Variants in NMNAT2 observed in about 807,000 individuals in gnomAD.
NMNAT2 encodes nicotinamide/nicotinic acid mononucleotide adenylyltransferase 2.
NMNAT2 carries 11 observed loss-of-function variants against 41.6 expected under a neutral mutation model. That is an observed-to-expected ratio of 0.26 (90% CI 0.17 to 0.44). NMNAT2 has a LOEUF of 0.44. Among genes scored for constraint, NMNAT2 ranks in the 20% least tolerant of loss-of-function variants. The pLI, the probability that NMNAT2 is intolerant of heterozygous loss-of-function variation, is 1.00. For missense variants in NMNAT2, 288 were observed against 407.7 expected, an observed-to-expected ratio of 0.71 and a Z score of 2.53; for synonymous variants, 148 against 151.2, an observed-to-expected ratio of 0.98 and a Z score of 0.16.
intron 1 of NMNAT2, among the ~76,000 whole-genome samples, chr1:183,393,235 T>C (rs1648531845): frequency 1.3e-5 from 2 of 152,358 alleles, no homozygotes; most frequent in South Asian, 4.1e-4. Context: ...TTATATATCA[T>C]AGTTTTCCAG....
rs577461203 is a variant in NMNAT2 at position 183,267,875 on chromosome 1, C to A, written c.652-6572G>T. On this transcript the variant is annotated intron_variant, in intron 8 of 10. Transcript: ENST00000287713. ...CGTGATGGTGGCCAATGTGACCCCA[C>A]ACCATGGGCAGGATCAGGACACAAT... 3.9e-5 allele frequency among the ~76,000 whole-genome samples: 6 copies of A among 152,252 alleles called. No individual in the cohort carries two copies. The South Asian group carries it at 1.2e-3, about 32-fold the overall frequency.
intron 8 of NMNAT2, among the ~76,000 whole-genome samples, chr1:183,270,847 C>A (rs1031147299): frequency 6.6e-6 from 1 of 152,198 alleles, no homozygotes; most frequent in Non-Finnish European, 1.5e-5. Flanking sequence ...CTGATAAAAA[C>A]CATCTGAGCC....
At chr1:183,404,795 G>A (rs978322288) in intron 1 of NMNAT2, among the ~76,000 whole-genome samples, 1 of 152,194 alleles carries the variant, frequency 6.6e-6, no homozygotes, top group Non-Finnish European at 1.5e-5. Flanking sequence ...TCAAAGAAAG[G>A]AATTAGACAT....
At position 183,418,321 on chromosome 1, in the gene NMNAT2, C is replaced by T; in HGVS notation, c.-54G>A. The stretch of plus-strand genomic sequence containing the variant: ...AGGGGTTGCCTCTCTTTTTGTGTCT[C>T]GTTGTGTCTGCAGAGGGAGAAAGGA... On this transcript the variant is annotated 5_prime_UTR_variant, in exon 1 of 11. Coordinates refer to ENST00000287713, the MANE Select transcript of NMNAT2 (RefSeq NM_015039.4). The T allele has an allele frequency of 6.5e-7, 1 of 1,539,798 alleles. No homozygotes were observed. Among genetic ancestry groups the T allele is most frequent in the South Asian group, 1.1e-5 (1 of 89,496 alleles).
intron 1 of NMNAT2, among the ~76,000 whole-genome samples, chr1:183,344,713 C>T (rs1662888402): frequency 5.9e-5 from 9 of 152,154 alleles, no homozygotes; most frequent in Admixed American, 5.9e-4. Flanking sequence ...AGTCTGGAAA[C>T]ACTTCCAGAG....
At chr1:183,398,178 G>C (rs975119006) in intron 1 of NMNAT2, among the ~76,000 whole-genome samples, 3 of 152,124 alleles carry the variant, frequency 2.0e-5, no homozygotes, top group African/African-American at 7.2e-5. Flanking sequence ...CTCAAGTGCA[G>C]AGACACACAT....
intron 7 of NMNAT2, among the ~76,000 whole-genome samples, chr1:183,279,062 G>T (rs1356197965): frequency 6.6e-6 from 1 of 152,192 alleles, no homozygotes; most frequent in East Asian, 1.9e-4. Context: ...ACTGTGCATT[G>T]TCTGGAGTTT....
chr1:183,385,196 TG>T (rs1648181452), intron 1 of NMNAT2, among the ~76,000 whole-genome samples: 1 of 151,504 alleles, frequency 6.6e-6, no homozygotes, highest in African/African-American at 2.4e-5. Flanking sequence ...AGTGAGACTC[TG>T]TCTCTAAAAA....
Position 183,304,649 on chromosome 1 carries a change from CCTCAGGCTGT to C in NMNAT2, c.86-10866_86-10857del, listed in dbSNP as rs762242361. The C allele has an allele frequency of 6.8e-6, 11 of 1,609,708 alleles. No homozygotes were observed. The Admixed American group carries it at 1.8e-4, about 27-fold the overall frequency. On this transcript the variant is annotated intron_variant, in intron 1 of 10. Transcript: ENST00000287713. ...AGCTGCCCCGCCCTCATGCCATGTG[CCTCAGGCTGT>C]CTGAACTCACCTGAGAGAGTAACAA...
chr1:183,414,983 A>G (rs2101934222), intron 1 of NMNAT2, among the ~76,000 whole-genome samples: 1 of 140,464 alleles, frequency 7.1e-6, no homozygotes. Flanking sequence ...GAAAGCTTGA[A>G]AAAAAATTTT....
intron 1 of NMNAT2, among the ~76,000 whole-genome samples, chr1:183,358,959 T>C (rs781051367): frequency 3.3e-5 from 5 of 152,128 alleles, no homozygotes; most frequent in Non-Finnish European, 5.9e-5. Flanking sequence ...AAGTGTTGAT[T>C]TGAAGAAAGT....
chr1:183,294,014 A>G (rs1415742391), intron 1 of NMNAT2, among the ~76,000 whole-genome samples: 1 of 152,166 alleles, frequency 6.6e-6, no homozygotes, highest in East Asian at 1.9e-4. Flanking sequence ...ACTCAAGGAG[A>G]TTCATCCTGT....
chr1:183,298,191 T>C (rs913653767), intron 1 of NMNAT2, among the ~76,000 whole-genome samples: 1 of 152,024 alleles, frequency 6.6e-6, no homozygotes, highest in Admixed American at 6.6e-5. Context: ...GAAGTTCTAG[T>C]GCACACCATA....
intron 5 of NMNAT2, 86 bp downstream of exon 5, chr1:183,286,576 T>A: frequency 8.3e-7 from 1 of 1,203,460 alleles, no homozygotes; most frequent in Non-Finnish European, 1.2e-6. Context: ...CTGAATCAAG[T>A]TCTGGGTGGA....
intron 1 of NMNAT2, among the ~76,000 whole-genome samples, chr1:183,388,016 G>C (rs1328319549): frequency 1.3e-5 from 2 of 152,190 alleles, no homozygotes; most frequent in African/African-American, 4.8e-5. Flanking sequence ...CTATGTGCCA[G>C]GCACTCTTCT....
chr1:183,373,397 C>T (rs1247010122), intron 1 of NMNAT2, among the ~76,000 whole-genome samples: 1 of 152,104 alleles, frequency 6.6e-6, no homozygotes, highest in South Asian at 2.1e-4. Flanking sequence ...TCCATGACCC[C>T]GTGGAGAGAG....
rs557899340 is a variant in NMNAT2 at position 183,306,281 on chromosome 1, ATGG to A, written c.86-12491_86-12489del. ...GCACCTGTGAATATGTTATCTTAAC[ATGG>A]TAAAAGGAATCCAGATAGCCCCTGG... On this transcript the variant is annotated intron_variant, in intron 1 of 10. Transcript: ENST00000287713. 4.9e-3 allele frequency among the ~76,000 whole-genome samples: 744 copies of A among 152,322 alleles called. 2 individuals are homozygous for A. The highest frequency in any genetic ancestry group is 6.9e-3 in the Non-Finnish European group (468 of 68,026).
In NMNAT2 at chr1:183,248,980, C is replaced by T. The variant is rs559607825; in HGVS notation, c.*3661G>A. On this transcript the variant is annotated 3_prime_UTR_variant, in exon 11 of 11. Coordinates refer to ENST00000287713, the MANE Select transcript of NMNAT2 (RefSeq NM_015039.4). ...GGGCTGGTAAGTACAAGTTTTTTCT[C>T]CCTGTAATTCTCTGCCTTTTGCTGT... 1 of 151,622 alleles carries T rather than the reference C, an allele frequency of 6.6e-6. No individual in the cohort carries two copies. The highest frequency in any genetic ancestry group is 2.4e-5 in the African/African-American group (1 of 41,296). 9.4% of individuals were successfully genotyped at this position (151,622 alleles called of 1,614,324 possible).
chr1:183,265,112 A>T (rs1457432416), intron 8 of NMNAT2, among the ~76,000 whole-genome samples: 1 of 152,116 alleles, frequency 6.6e-6, no homozygotes, highest in East Asian at 1.9e-4. Flanking sequence ...CAATATGCCC[A>T]CTTGGATAGG....
Sources: allele counts gnomAD v4.1 joint callset (sites outside exome capture counted in the v4.1 genomes callset), GRCh38; gene constraint gnomAD v4.1.1; transcripts MANE v1.5; gene names NCBI Gene and HGNC (gene_info 2026-07-23, HGNC 2026-07-21).